VPS13C: variants seen among roughly 807,000 people sequenced by gnomAD.
VPS13C encodes vacuolar protein sorting 13 homolog C, also known as intermembrane lipid transfer protein VPS13C.
VPS13C carries 358 observed loss-of-function variants against 456.8 expected under a neutral mutation model. That is an observed-to-expected ratio of 0.78 (90% confidence interval 0.72 to 0.86). The LOEUF (loss-of-function observed/expected upper bound fraction) is 0.86. Ranked by LOEUF, VPS13C falls within the 40% of genes least tolerant of loss-of-function variation. The pLI is 0.00. For synonymous variants in VPS13C, 1,578 were observed against 1,486.7 expected, an observed-to-expected ratio of 1.06 and a Z score of -1.41; for missense variants, 4,818 against 4,385.4, an observed-to-expected ratio of 1.10 and a Z score of -2.79.
chr15:61,983,815 C>T lies in VPS13C; in HGVS notation c.1914+5G>A. 1 of 1,612,996 alleles carries T rather than the reference C, an allele frequency of 6.2e-7. No homozygotes were observed. The highest frequency in any genetic ancestry group is 8.5e-7 in the Non-Finnish European group (1 of 1,179,750). On this transcript the variant is annotated splice_donor_5th_base_variant and intron_variant, in intron 20 of 84. Transcript: ENST00000644861. The stretch of plus-strand genomic sequence containing the variant: ...AATAAAGAGTTACTTTCTCCTTGCA[C>T]TTACAGCATCATAGATGACCTCCAC...
chr15:62,022,124 A>C (rs140440817), intron 8 of VPS13C, among the ~76,000 whole-genome samples: 141 of 151,994 alleles, frequency 9.3e-4, no homozygotes, highest in African/African-American at 3.3e-3. Context: ...TGACATACTG[A>C]CTTCAATTCC....
intron 1 of VPS13C, among the ~76,000 whole-genome samples, chr15:62,056,682 CCT>C (rs2048812570): frequency 6.6e-6 from 1 of 152,178 alleles, no homozygotes; most frequent in South Asian, 2.1e-4. Context: ...TAACCGTCTC[CCT>C]GTGATGCTGT....
chr15:62,003,930 T>G (rs1290725143), intron 15 of VPS13C, among the ~76,000 whole-genome samples: 1 of 151,822 alleles, frequency 6.6e-6, no homozygotes, highest in Non-Finnish European at 1.5e-5. Flanking sequence ...GCCAGTATTT[T>G]ATTGAGGATT....
chr15:61,878,825 C>A, intron 73 of VPS13C, 79 bp from the exon 74 acceptor site: 5 of 1,444,478 alleles, frequency 3.5e-6, no homozygotes, highest in Admixed American at 2.7e-5. Flanking sequence ...AGTCCAGAAA[C>A]AAACCAAAAA....
intron 66 of VPS13C, among the ~76,000 whole-genome samples, chr15:61,900,598 G>T (rs906230876): frequency 4.0e-5 from 6 of 151,224 alleles, no homozygotes; most frequent in South Asian, 2.1e-4. Context: ...CACTGCTCAA[G>T]GAAATAAAAG....
At chr15:61,868,909 G>C (rs1894794057) in intron 80 of VPS13C, 136 bp from the exon 81 acceptor site, 1 of 711,108 alleles carries the variant, frequency 1.4e-6, no homozygotes, top group Non-Finnish European at 2.3e-6. Context: ...TAATGCAAAA[G>C]TATTAAAACC....
chr15:61,996,057 G>A (rs2046374533), intron 16 of VPS13C, among the ~76,000 whole-genome samples: 2 of 152,206 alleles, frequency 1.3e-5, no homozygotes, highest in Admixed American at 6.5e-5. Flanking sequence ...AGGCCAGAAT[G>A]TATGTGAGAA....
intron 2 of VPS13C, 75 bp downstream of exon 2, chr15:62,044,137 G>A (rs1048968878): frequency 1.0e-6 from 1 of 990,528 alleles, no homozygotes; most frequent in Non-Finnish European, 1.5e-6. Context: ...CATGGTATCA[G>A]ATGCCTAGTA....
intron 16 of VPS13C, among the ~76,000 whole-genome samples, chr15:61,993,245 C>G (rs1024929371): frequency 6.6e-6 from 1 of 152,050 alleles, no homozygotes; most frequent in Non-Finnish European, 1.5e-5. Flanking sequence ...TCTCTTTTAA[C>G]CAAACTGATA....
chr15:61,916,319 G>C (rs920183591), intron 60 of VPS13C, among the ~76,000 whole-genome samples: 1 of 152,186 alleles, frequency 6.6e-6, no homozygotes, highest in Admixed American at 6.5e-5. Context: ...AAGCCTGGCT[G>C]TTGTCCATTA....
chr15:61,908,625 A>C (rs1250466723), intron 65 of VPS13C, among the ~76,000 whole-genome samples: 1 of 152,184 alleles, frequency 6.6e-6, no homozygotes, highest in Non-Finnish European at 1.5e-5. Context: ...AGGAAAGGGA[A>C]TACTTAAACA....
intron 67 of VPS13C, among the ~76,000 whole-genome samples, chr15:61,889,086 G>C (rs951749119): frequency 6.6e-6 from 1 of 151,942 alleles, no homozygotes; most frequent in African/African-American, 2.4e-5. Context: ...CACTGAATGT[G>C]TACCATGTCA....
chr15:61,910,141 A>C, intron 64 of VPS13C, 36 bp downstream of exon 64: 1 of 1,146,966 alleles, frequency 8.7e-7, no homozygotes, highest in Non-Finnish European at 1.1e-6. Context: ...AATTAAATAA[A>C]TAAAAATAAA....
rs201274227 is a variant in VPS13C at position 62,010,189 on chromosome 15, CA to C, written c.1011+282del. ...TGGGCAACAGAGTGAGACTCCATCTCAAAAAAAAAAAATCTTCCATCAACAA... is the reference window on the plus strand; with the variant it reads ...TGGGCAACAGAGTGAGACTCCATCTCAAAAAAAAAAATCTTCCATCAACAA... On this transcript the variant is annotated intron_variant, in intron 13 of 84. Transcript: ENST00000644861. Among the ~76,000 whole-genome samples the C allele has an allele frequency of 4.5e-3, 606 of 135,228 alleles. 3 individuals are homozygous for C. The highest frequency in any genetic ancestry group is 6.7e-3 in the Non-Finnish European group (421 of 62,468). 88.7% of individuals were successfully genotyped at this position (135,228 alleles called of 152,430 possible).
intron 2 of VPS13C, among the ~76,000 whole-genome samples, chr15:62,043,894 C>T (rs1354036420): frequency 1.3e-5 from 2 of 151,892 alleles, no homozygotes; most frequent in African/African-American, 4.8e-5. Flanking sequence ...AAAATCAAGC[C>T]CTCATTTATC....
intron 3 of VPS13C, among the ~76,000 whole-genome samples, chr15:62,037,309 TAA>T (rs550673312): frequency 7.4e-5 from 5 of 67,820 alleles, no homozygotes; most frequent in African/African-American, 1.2e-4. Context: ...AATATATATA[TAA>T]ATATATTATA....
chr15:62,003,832 G>A (rs1022541232), intron 15 of VPS13C, among the ~76,000 whole-genome samples: 3 of 151,122 alleles, frequency 2.0e-5, no homozygotes, highest in African/African-American at 7.3e-5. Flanking sequence ...TTATTGATTT[G>A]CGTATGTTGA....
At chr15:62,039,914 T>C (rs1240615174) in intron 3 of VPS13C, among the ~76,000 whole-genome samples, 1 of 152,174 alleles carries the variant, frequency 6.6e-6, no homozygotes, top group African/African-American at 2.4e-5. Flanking sequence ...ACTCTCATGT[T>C]TAATGCAGCA....
intron 5 of VPS13C, among the ~76,000 whole-genome samples, chr15:62,033,232 T>C (rs890027652): frequency 2.6e-5 from 4 of 151,436 alleles, no homozygotes; most frequent in Non-Finnish European, 4.4e-5. Context: ...AAAATCAAAT[T>C]GGCAACATGA....
Sources: allele counts gnomAD v4.1 joint callset (sites outside exome capture counted in the v4.1 genomes callset), GRCh38; gene constraint gnomAD v4.1.1; transcripts MANE v1.5; gene names NCBI Gene and HGNC (gene_info 2026-07-23, HGNC 2026-07-21).